The following CFAP52 variants were observed in gnomAD, a reference collection of about 807,000 sequenced individuals.
CFAP52 encodes the protein cilia and flagella associated protein 52, also known as cilia- and flagella-associated protein 52.
A neutral mutation model predicts 70.5 loss-of-function variants in CFAP52; 57 were observed. That is an observed-to-expected ratio of 0.81 (90% CI 0.65 to 1.01). The LOEUF (loss-of-function observed/expected upper bound fraction) is 1.01, where lower values mean the gene tolerates loss of function less well. Ranked by LOEUF, CFAP52 falls within the 50% of genes least tolerant of loss-of-function variation. The pLI is 0.00. For missense variants in CFAP52, 785 were observed against 788.5 expected, an observed-to-expected ratio of 1.00 and a Z score of 0.05; for synonymous variants, 267 against 292.5, an observed-to-expected ratio of 0.91 and a Z score of 0.89.
intron 12 of CFAP52, among the ~76,000 whole-genome samples, chr17:9,640,987 T>G (rs1911030752): frequency 6.6e-6 from 1 of 152,200 alleles, no homozygotes; most frequent in Admixed American, 6.5e-5. Flanking sequence ...TTGATGGGCA[T>G]TTAGGTTGAT....
At position 9,641,850 on chromosome 17, in the gene CFAP52, A is replaced by G. The variant is rs1235745496; in HGVS notation, c.1687+15A>G. 2 of 1,607,626 alleles carry G rather than the reference A, an allele frequency of 1.2e-6. No individual in the cohort carries two copies. The highest frequency in any genetic ancestry group is 1.7e-4 in the Middle Eastern group (1 of 6,046). On this transcript the variant is annotated intron_variant, in intron 13 of 13. Coordinates refer to ENST00000352665, the MANE Select transcript of CFAP52 (RefSeq NM_145054.5). ...CTTTGTCACAGGTTAGTCCTGGGAT[A>G]GGAAAAAGCCAAGCCTGGCTTATTT...
chr17:9,607,024 A>G (rs1909518174), intron 6 of CFAP52, among the ~76,000 whole-genome samples: 1 of 152,206 alleles, frequency 6.6e-6, no homozygotes, highest in African/African-American at 2.4e-5. Context: ...AAACCTATAC[A>G]GTCACTAGCT....
rs143018725 is a variant in CFAP52 at position 9,590,755 on chromosome 17, C to T, written c.408-3438C>T. Among the ~76,000 whole-genome samples the T allele has an allele frequency of 1.2e-3, 177 of 152,132 alleles. 1 individual carries two copies. Among genetic ancestry groups the T allele is most frequent in the African/African-American group, 4.0e-3 (165 of 41,492 alleles). ...AATCTCTGCTGTAATTTTAAGCTGCCTAAAATTTGTTTGCAGAACATTCAA... is the reference window on the plus strand; with the variant it reads ...AATCTCTGCTGTAATTTTAAGCTGCTTAAAATTTGTTTGCAGAACATTCAA... On this transcript the variant is annotated intron_variant, in intron 3 of 13. Transcript: ENST00000352665.
chr17:9,607,102 T>G (rs1014302544), intron 6 of CFAP52, among the ~76,000 whole-genome samples: 1 of 152,168 alleles, frequency 6.6e-6, no homozygotes, highest in Non-Finnish European at 1.5e-5. Context: ...TCCCATCACT[T>G]TGGGAGGCTG....
intron 8 of CFAP52, among the ~76,000 whole-genome samples, chr17:9,622,578 T>A (rs186044061): frequency 1.9e-4 from 29 of 149,992 alleles, no homozygotes; most frequent in Admixed American, 5.3e-4. Context: ...AAGAAGATGA[T>A]GATGATGATG....
intron 8 of CFAP52, among the ~76,000 whole-genome samples, chr17:9,614,386 C>A (rs1173063101): frequency 6.6e-6 from 1 of 152,114 alleles, no homozygotes; most frequent in Non-Finnish European, 1.5e-5. Context: ...GAGCTCCCAA[C>A]CTCAGGTGAT....
At chr17:9,589,846 T>C (rs966077247) in intron 3 of CFAP52, 5 of 151,082 alleles carry the variant, frequency 3.3e-5, no homozygotes, top group Middle Eastern at 3.4e-3. Context: ...TTTATTTTAA[T>C]GACTGATCTA....
intron 8 of CFAP52, among the ~76,000 whole-genome samples, chr17:9,616,659 G>A (rs1398551267): frequency 1.3e-5 from 2 of 150,438 alleles, no homozygotes; most frequent in Non-Finnish European, 2.9e-5. Flanking sequence ...TCTGAGAACG[G>A]GCAGACTGCC....
chr17:9,600,239 G>T, intron 6 of CFAP52, 56 bp downstream of exon 6: 1 of 1,454,598 alleles, frequency 6.9e-7, no homozygotes, highest in Non-Finnish European at 9.6e-7. Flanking sequence ...CTGGCAGCAT[G>T]TACTTTTTTT....
At chr17:9,609,951 C>A (rs1172141678) in intron 7 of CFAP52, among the ~76,000 whole-genome samples, 1 of 151,880 alleles carries the variant, frequency 6.6e-6, no homozygotes, top group Non-Finnish European at 1.5e-5. Flanking sequence ...TGGACAACCT[C>A]ATGGAATAGA....
rs1216285705 is a variant in CFAP52 at position 9,586,599 on chromosome 17, A to G, written c.271-99A>G. ...AAAAAAAAAAAAGAAAGAAAAAAGA[A>G]AAGTGACAGTACTAATTGTTTTTCA... is the stretch of plus-strand genomic sequence containing the variant. On this transcript the variant is annotated intron_variant, in intron 2 of 13. Coordinates refer to ENST00000352665, the MANE Select transcript of CFAP52 (RefSeq NM_145054.5). The G allele has an allele frequency of 7.8e-6, 11 of 1,401,472 alleles. No individual in the cohort carries two copies. The South Asian group carries it at 1.9e-4, about 24-fold the overall frequency. 86.8% of individuals were successfully genotyped at this position (1,401,472 alleles called of 1,614,324 possible). A position where few individuals can be genotyped will look rare whatever the true frequency, so the allele number is the denominator to read the frequency against.
intron 3 of CFAP52, among the ~76,000 whole-genome samples, chr17:9,592,795 T>C (rs9907091): frequency 0.99 from 151,159 of 152,364 alleles, 74,995 homozygotes; most frequent in East Asian, 1. Context: ...CACTTCTAAA[T>C]TATTATTAAT....
chr17:9,627,016 T>G lies in CFAP52; in HGVS notation c.1026-1656T>G, dbSNP rs945967013. 2.0e-5 allele frequency among the ~76,000 whole-genome samples: 3 copies of G among 152,200 alleles called. No individual in the cohort carries two copies. In the East Asian group the frequency reaches 5.8e-4, roughly 29 times the overall value. ...TTTATACTTATGAACCAAATGGTCT[T>G]TATTGTACCCCAATATTACTTCTTC... On this transcript the variant is annotated intron_variant, in intron 8 of 13. Transcript: ENST00000352665.
At chr17:9,644,352 G>T (rs1038722098), downstream of CFAP52, among the ~76,000 whole-genome samples, 1 of 152,140 alleles carries the variant, frequency 6.6e-6, no homozygotes, top group African/African-American at 2.4e-5. Flanking sequence ...TGATCCGCCC[G>T]TCTCGGCCTC....
chr17:9,584,400 T>TA (rs1240059529), intron 1 of CFAP52: 3 of 1,263,972 alleles, frequency 2.4e-6, no homozygotes, highest in Admixed American at 2.9e-5. Flanking sequence ...AACCGAAAGT[T>TA]AAAAAAATTA....
At chr17:9,597,757 T>C (rs8080667) in intron 4 of CFAP52, 134,106 of 152,118 alleles carry the variant, frequency 0.88, 60,484 homozygotes, top group East Asian at 0.99. Context: ...GAGCAGAGAT[T>C]GCGCCACTGC....
intron 3 of CFAP52, among the ~76,000 whole-genome samples, chr17:9,593,416 A>G (rs1227150836): frequency 1.3e-5 from 2 of 152,214 alleles, no homozygotes; most frequent in Non-Finnish European, 2.9e-5. Context: ...GCTGTGGCCT[A>G]GCAGTCTCTG....
At chr17:9,626,697 G>T (rs933978039) in intron 8 of CFAP52, among the ~76,000 whole-genome samples, 7 of 152,020 alleles carry the variant, frequency 4.6e-5, no homozygotes, top group Non-Finnish European at 1.0e-4. Flanking sequence ...TTCTAGTGTT[G>T]ACTTGATTTA....
chr17:9,613,123 A>C (rs1176047007), intron 8 of CFAP52, among the ~76,000 whole-genome samples: 1 of 151,928 alleles, frequency 6.6e-6, no homozygotes, highest in African/African-American at 2.4e-5. Flanking sequence ...TTAAGACACG[A>C]AGTATCTGTG....
Sources: allele counts gnomAD v4.1 joint callset (sites outside exome capture counted in the v4.1 genomes callset), GRCh38; gene constraint gnomAD v4.1.1; transcripts MANE v1.5; gene names NCBI Gene and HGNC (gene_info 2026-07-23, HGNC 2026-07-21).